CALN1: variants seen among roughly 807,000 people sequenced by gnomAD.
CALN1 encodes calcium-binding protein 8.
In CALN1, 17 loss-of-function variants were observed where a neutral mutation model predicts 30.6. The ratio of observed to expected loss-of-function variants is 0.56; its 90% CI spans 0.38 to 0.83. The LOEUF (loss-of-function observed/expected upper bound fraction) is 0.83, where lower values mean the gene tolerates loss of function less well. CALN1 is among the 40% of genes least tolerant of loss of function. The pLI is 0.00. For synonymous variants in CALN1, 156 were observed against 131.4 expected (o/e 1.19, Z -1.28); for missense variants, 291 against 354.9 (o/e 0.82, Z 1.45).
At chr7:72,347,497 C>T (rs774507944) in intron 2 of CALN1, among the ~76,000 whole-genome samples, 2 of 152,076 alleles carry the variant, frequency 1.3e-5, no homozygotes, top group Non-Finnish European at 2.9e-5. Context: ...AACTCCCGAC[C>T]TCAGGTGATG....
At chr7:71,953,854 G>A (rs947652361) in intron 5 of CALN1, among the ~76,000 whole-genome samples, 8 of 152,030 alleles carry the variant, frequency 5.3e-5, no homozygotes, top group African/African-American at 1.7e-4. Flanking sequence ...TGTCTCCTGG[G>A]GGGTGAGGGA....
chr7:72,092,465 C>T (rs970465051), intron 4 of CALN1, among the ~76,000 whole-genome samples: 1 of 151,920 alleles, frequency 6.6e-6, no homozygotes, highest in African/African-American at 2.4e-5. Context: ...TATATACACA[C>T]ATTCCGTGTC....
chr7:72,163,054 T>C (rs1461593060), intron 3 of CALN1, among the ~76,000 whole-genome samples: 2 of 152,224 alleles, frequency 1.3e-5, no homozygotes, highest in Admixed American at 1.3e-4. Flanking sequence ...AGATTTCAGC[T>C]GCCGCCCTCC....
chr7:72,268,263 G>A (rs549939158), intron 3 of CALN1, among the ~76,000 whole-genome samples: 12 of 152,176 alleles, frequency 7.9e-5, no homozygotes, highest in Admixed American at 4.6e-4. Context: ...AAACAAAAGC[G>A]GAGAAGGAGG....
intron 5 of CALN1, among the ~76,000 whole-genome samples, chr7:71,939,563 A>T (rs1160029662): frequency 1.4e-5 from 2 of 146,318 alleles, no homozygotes; most frequent in Admixed American, 1.4e-4. Flanking sequence ...ATAGAGCAAG[A>T]TGTTGTCTCA....
At chr7:72,300,708 A>T (rs1799199392) in intron 2 of CALN1, among the ~76,000 whole-genome samples, 1 of 152,250 alleles carries the variant, frequency 6.6e-6, no homozygotes, top group Non-Finnish European at 1.5e-5. Flanking sequence ...AATTATATTT[A>T]TAGCCAGTCA....
chr7:71,907,147 T>C (rs1176248948), intron 5 of CALN1, among the ~76,000 whole-genome samples: 2 of 152,144 alleles, frequency 1.3e-5, no homozygotes, highest in Non-Finnish European at 2.9e-5. Context: ...TAATTGAACA[T>C]TTAAGTGATT....
chr7:71,828,014 A>G (rs1214424325), intron 5 of CALN1, among the ~76,000 whole-genome samples: 5 of 152,100 alleles, frequency 3.3e-5, no homozygotes, highest in Non-Finnish European at 7.4e-5. Flanking sequence ...ATGAATATGT[A>G]TCACTGGAGA....
At chr7:72,002,400 C>T (rs1799570003) in intron 5 of CALN1, among the ~76,000 whole-genome samples, 1 of 152,058 alleles carries the variant, frequency 6.6e-6, no homozygotes, top group African/African-American at 2.4e-5. Flanking sequence ...TTATTAAATA[C>T]TATACTGAAA....
intron 3 of CALN1, among the ~76,000 whole-genome samples, chr7:72,275,377 C>G (rs1031537585): frequency 6.6e-6 from 1 of 152,106 alleles, no homozygotes; most frequent in African/African-American, 2.4e-5. Context: ...AACACCAATC[C>G]ATAGTCATCT....
At chr7:72,065,955 A>C (rs1305201488) in intron 4 of CALN1, among the ~76,000 whole-genome samples, 4 of 152,174 alleles carry the variant, frequency 2.6e-5, no homozygotes, top group Non-Finnish European at 5.9e-5. Flanking sequence ...ACTTATTTTG[A>C]TATGATGCAA....
intron 2 of CALN1, among the ~76,000 whole-genome samples, chr7:72,370,809 G>A (rs867128596): frequency 2.6e-5 from 4 of 152,090 alleles, no homozygotes; most frequent in African/African-American, 4.8e-5. Context: ...CACTTTGGGA[G>A]GCCAAGGCAG....
At chr7:72,292,454 T>C (rs928856031) in intron 2 of CALN1, among the ~76,000 whole-genome samples, 3 of 148,612 alleles carry the variant, frequency 2.0e-5, no homozygotes, top group Non-Finnish European at 4.5e-5. Context: ...TGAGAGGTGA[T>C]TGGGTCACTA....
At chr7:72,068,789 C>T (rs1394525398) in intron 4 of CALN1, among the ~76,000 whole-genome samples, 1 of 152,174 alleles carries the variant, frequency 6.6e-6, no homozygotes, top group East Asian at 1.9e-4. Context: ...CCGCACTGGG[C>T]CGGGCCTCAT....
At chr7:71,988,010 G>C (rs192856789) in intron 5 of CALN1, among the ~76,000 whole-genome samples, 1 of 152,314 alleles carries the variant, frequency 6.6e-6, no homozygotes, top group East Asian at 1.9e-4. Context: ...GCAGGGCACA[G>C]AGTGCCCAGG....
chr7:72,487,713 A>AAAAGAAAAGAAAGAAAGAAAG, the CALN1 span, among the ~76,000 whole-genome samples: 1 of 68,664 alleles, frequency 1.5e-5, no homozygotes, highest in African/African-American at 1.0e-4. Flanking sequence ...AAAAGAAAAG[A>AAAAGAAAAGAAAGAAAGAAAG]AAAGAAAGAA....
At chr7:71,860,603 G>GA (rs1465172764) in intron 5 of CALN1, among the ~76,000 whole-genome samples, 1 of 152,128 alleles carries the variant, frequency 6.6e-6, no homozygotes. Context: ...CTTGGGGGCT[G>GA]AATCAGGACC....
At chr7:72,357,021 G>A (rs1299091042) in intron 2 of CALN1, among the ~76,000 whole-genome samples, 3 of 151,870 alleles carry the variant, frequency 2.0e-5, no homozygotes, top group East Asian at 3.9e-4. Context: ...GAAACATGAC[G>A]GTGTTAACTG....
chr7:72,453,993 AATATAT>A, the CALN1 span, among the ~76,000 whole-genome samples: 2 of 148,136 alleles, frequency 1.4e-5, no homozygotes, highest in African/African-American at 2.5e-5. Flanking sequence ...ACAACCAAAA[AATATAT>A]ATATATATAT....
Sources: gnomAD v4.1 joint callset for allele counts (sites outside exome capture counted in the v4.1 genomes callset) on GRCh38, gnomAD v4.1.1 for gene constraint, MANE v1.5 for transcripts, NCBI Gene and HGNC (gene_info 2026-07-23, HGNC 2026-07-21) for gene names.